The following GSTCD variants were observed in gnomAD, a reference collection of about 807,000 sequenced individuals.
GSTCD encodes glutathione S-transferase C-terminal domain containing.
In GSTCD, 44 loss-of-function variants were observed where a neutral mutation model predicts 68.3. The ratio of observed to expected loss-of-function variants is 0.64; its 90% CI spans 0.51 to 0.83. The LOEUF (loss-of-function observed/expected upper bound fraction) is 0.83. Ranked by LOEUF, GSTCD falls within the 40% of genes least tolerant of loss-of-function variation. The pLI, the probability that GSTCD is intolerant of heterozygous loss-of-function variation, is 0.00. For synonymous variants in GSTCD, 273 were observed against 255.2 expected (o/e 1.07, Z -0.67); for missense variants, 739 against 735.9 (o/e 1.00, Z -0.05).
chr4:105,756,447 G>A (rs962165733), intron 5 of GSTCD, among the ~76,000 whole-genome samples: 78 of 150,152 alleles, frequency 5.2e-4, no homozygotes, highest in Non-Finnish European at 1.1e-3. Flanking sequence ...AAATCCCAAG[G>A]AATTTAGGAA....
chr4:105,738,582 C>T (rs553186172), intron 5 of GSTCD, among the ~76,000 whole-genome samples: 3 of 152,088 alleles, frequency 2.0e-5, no homozygotes, highest in Admixed American at 1.3e-4. Flanking sequence ...TAGTTTTTCT[C>T]TAAAAGTCTT....
intron 1 of GSTCD, among the ~76,000 whole-genome samples, chr4:105,714,474 T>TA (rs1732627249): frequency 6.6e-6 from 1 of 151,840 alleles, no homozygotes; most frequent in African/African-American, 2.4e-5. Context: ...TTTTTTTTTT[T>TA]TTGCCTGTGA....
intron 5 of GSTCD, among the ~76,000 whole-genome samples, chr4:105,800,725 T>G (rs1395012371): frequency 6.6e-6 from 1 of 152,200 alleles, no homozygotes; most frequent in African/African-American, 2.4e-5. Flanking sequence ...ATTCTCATTA[T>G]TCGTAGTAGT....
At chr4:105,756,547 T>A (rs1268945062) in intron 5 of GSTCD, among the ~76,000 whole-genome samples, 1 of 138,950 alleles carries the variant, frequency 7.2e-6, no homozygotes, top group African/African-American at 2.6e-5. Flanking sequence ...TATATACGCA[T>A]ACATATATGT....
In GSTCD at chr4:105,826,340, T is replaced by C. The variant is rs1055020394; in HGVS notation, c.1530+540T>C. Among the ~76,000 whole-genome samples the C allele has an allele frequency of 2.0e-5, 3 of 152,106 alleles. No individual in the cohort carries two copies. In the East Asian group the frequency reaches 5.8e-4, roughly 29 times the overall value. On this transcript the variant is annotated intron_variant, in intron 8 of 11. Coordinates refer to ENST00000515279, the MANE Select transcript of GSTCD (RefSeq NM_001370181.1). Reference sequence around the variant, plus strand: ...GATATTATGAAAAATCCCTAAGATATGTAATTCTGCCTGATCATTAAACCC... The same window carrying C: ...GATATTATGAAAAATCCCTAAGATACGTAATTCTGCCTGATCATTAAACCC...
In GSTCD at chr4:105,765,516, A is replaced by G. The variant is rs913644261; in HGVS notation, c.1240+36017A>G. Among the ~76,000 whole-genome samples the G allele has an allele frequency of 2.6e-5, 4 of 152,216 alleles. No individual in the cohort carries two copies. The South Asian group carries it at 6.2e-4, about 24-fold the overall frequency. On this transcript the variant is annotated intron_variant, in intron 5 of 11. Coordinates refer to ENST00000515279, the MANE Select transcript of GSTCD (RefSeq NM_001370181.1). ...ACTAAGAGATCTAGGAGATTGCTAC[A>G]TTGTTGAGGTTGGGCTCCTTGAAAG...
intron 1 of GSTCD, among the ~76,000 whole-genome samples, chr4:105,709,957 C>T (rs1434768118): frequency 6.6e-6 from 1 of 151,566 alleles, no homozygotes; most frequent in East Asian, 1.9e-4. Context: ...AAACATTAAG[C>T]TATGCGGGTT....
At chr4:105,726,945 G>T in intron 4 of GSTCD, 115 bp downstream of exon 4, 1 of 831,026 alleles carries the variant, frequency 1.2e-6, no homozygotes, top group Non-Finnish European at 1.8e-6. Context: ...TTTATTTGTA[G>T]CTTTCTTCAC....
intron 3 of GSTCD, among the ~76,000 whole-genome samples, chr4:105,722,133 A>G (rs897508363): frequency 1.3e-5 from 2 of 152,114 alleles, no homozygotes; most frequent in African/African-American, 2.4e-5. Context: ...TTAATTTTCT[A>G]CATTTTAACT....
chr4:105,730,298 G>C (rs1273182045), intron 5 of GSTCD, among the ~76,000 whole-genome samples: 7 of 152,130 alleles, frequency 4.6e-5, no homozygotes, highest in African/African-American at 1.7e-4. Flanking sequence ...TCTAGTTCTA[G>C]CTCCTTGAGG....
intron 5 of GSTCD, among the ~76,000 whole-genome samples, chr4:105,779,670 A>G (rs907801944): frequency 6.6e-6 from 1 of 152,190 alleles, no homozygotes; most frequent in Non-Finnish European, 1.5e-5. Flanking sequence ...AAATACTAAC[A>G]TGGGTTTGAT....
intron 5 of GSTCD, among the ~76,000 whole-genome samples, chr4:105,738,528 TA>T (rs1164800709): frequency 6.6e-6 from 1 of 152,238 alleles, no homozygotes; most frequent in African/African-American, 2.4e-5. Flanking sequence ...TGGATATATT[TA>T]TTTTTTTGTG....
At chr4:105,787,157 A>G (rs1735497782) in intron 5 of GSTCD, among the ~76,000 whole-genome samples, 1 of 152,102 alleles carries the variant, frequency 6.6e-6, no homozygotes, top group South Asian at 2.1e-4. Context: ...GTGTTCAATA[A>G]AGTTTGGAGA....
intron 9 of GSTCD, among the ~76,000 whole-genome samples, chr4:105,836,405 G>A (rs1354004476): frequency 2.0e-5 from 3 of 152,162 alleles, no homozygotes; most frequent in Non-Finnish European, 4.4e-5. Context: ...TGGACCCCAA[G>A]CTTCGGGCCA....
chr4:105,839,705 AAAAG>A (rs1438177885), intron 10 of GSTCD, among the ~76,000 whole-genome samples: 1 of 152,174 alleles, frequency 6.6e-6, no homozygotes, highest in Non-Finnish European at 1.5e-5. Context: ...AAAAGGAAAG[AAAAG>A]AAAAAAGAAC....
At chr4:105,784,838 A>G (rs1043998920) in intron 5 of GSTCD, among the ~76,000 whole-genome samples, 8 of 152,188 alleles carry the variant, frequency 5.3e-5, no homozygotes, top group Non-Finnish European at 4.4e-5. Flanking sequence ...AGCCCCTTCA[A>G]ACTAACTCCT....
rs116383633 is a variant in GSTCD at position 105,805,570 on chromosome 4, T to C, written c.1241-17384T>C. ...CAGGTGGTTTGGGAACAGAGTATAC[T>C]CTGATGCCTTGTATCAGGATCGCTC... On this transcript the variant is annotated intron_variant, in intron 5 of 11. Transcript: ENST00000515279. 8.9e-3 allele frequency among the ~76,000 whole-genome samples: 1,348 copies of C among 152,232 alleles called. 22 individuals are homozygous for C. The highest frequency in any genetic ancestry group is 0.031 in the African/African-American group (1,272 of 41,548).
chr4:105,709,986 A>G (rs907289279), intron 1 of GSTCD, among the ~76,000 whole-genome samples: 2 of 151,734 alleles, frequency 1.3e-5, no homozygotes, highest in Non-Finnish European at 2.9e-5. Context: ...TTTTTTTTTA[A>G]CTGCCTGATG....
At chr4:105,724,441 T>C (rs1242685040) in intron 3 of GSTCD, among the ~76,000 whole-genome samples, 3 of 151,890 alleles carry the variant, frequency 2.0e-5, no homozygotes, top group African/African-American at 7.2e-5. Flanking sequence ...TTATCTTTTT[T>C]AGTTTTAAAT....
Sources: allele counts gnomAD v4.1 joint callset (sites outside exome capture counted in the v4.1 genomes callset), GRCh38; gene constraint gnomAD v4.1.1; transcripts MANE v1.5; gene names NCBI Gene and HGNC (gene_info 2026-07-23, HGNC 2026-07-21).